The following SYN3 variants were observed in gnomAD, a reference collection of about 807,000 sequenced individuals.
SYN3 encodes synapsin III.
A neutral mutation model predicts 65.8 loss-of-function variants in SYN3; 35 were observed. The observed-to-expected ratio is 0.53, with a 90% CI of 0.41 to 0.70. SYN3 has a LOEUF of 0.70. Among genes scored for constraint, SYN3 ranks in the 30% least tolerant of loss-of-function variants. The probability of loss-of-function intolerance (pLI) is 0.00; values close to 1 mark genes in which losing one functional copy is unlikely to be tolerated. For synonymous variants in SYN3, 270 were observed against 292.9 expected (o/e 0.92, Z 0.80); for missense variants, 680 against 749.0 (o/e 0.91, Z 1.08).
chr22:32,833,803 T>C (rs1167145349), intron 6 of SYN3: 1 of 500,250 alleles, frequency 2.0e-6, no homozygotes, highest in African/African-American at 2.0e-5. Flanking sequence ...TATAGGGCCC[T>C]AGTGAGGCTC....
At chr22:32,853,987 A>C (rs2048294882) in intron 6 of SYN3, among the ~76,000 whole-genome samples, 1 of 152,170 alleles carries the variant, frequency 6.6e-6, no homozygotes, top group Admixed American at 6.5e-5. Context: ...ATTGGTTTGG[A>C]TTAGATTACC....
At chr22:32,626,170 T>C (rs2059663538) in intron 6 of SYN3, among the ~76,000 whole-genome samples, 1 of 152,138 alleles carries the variant, frequency 6.6e-6, no homozygotes, top group Non-Finnish European at 1.5e-5. Context: ...GGGAGGAGAC[T>C]GTGCTGAGGG....
intron 6 of SYN3, among the ~76,000 whole-genome samples, chr22:32,804,033 T>A (rs1036367005): frequency 2.0e-5 from 3 of 152,198 alleles, no homozygotes; most frequent in African/African-American, 7.2e-5. Flanking sequence ...GAAAGTTTCT[T>A]ACAATTTCTC....
rs1569124814 is a variant in SYN3, at chr22:32,650,262, T to TCCCC, written c.712-53527_712-53526insGGGG. Among the ~76,000 whole-genome samples, 176 of 73,360 alleles carry TCCCC rather than the reference T, an allele frequency of 2.4e-3. 4 individuals carry two copies. The highest frequency in any genetic ancestry group is 0.013 in the African/African-American group (162 of 12,042). 48.1% of individuals were successfully genotyped at this position (73,360 alleles called of 152,430 possible). On this transcript the variant is annotated intron_variant, in intron 6 of 13. Coordinates refer to ENST00000358763, the MANE Select transcript of SYN3 (RefSeq NM_003490.4). ...CCCTCCCTCCCTCCCTCCCTCCCTC[T>TCCCC]CTCTCTCTCTCTCTTTCTTTTTGAG... is the stretch of plus-strand genomic sequence containing the variant.
chr22:32,807,363 ATAT>A (rs1470340373), intron 6 of SYN3, among the ~76,000 whole-genome samples: 2 of 89,144 alleles, frequency 2.2e-5, no homozygotes, highest in Non-Finnish European at 2.1e-5. Flanking sequence ...ATAATATATA[ATAT>A]ATATTATATA....
At chr22:32,729,960 G>A (rs983191645) in intron 6 of SYN3, among the ~76,000 whole-genome samples, 21 of 152,254 alleles carry the variant, frequency 1.4e-4, no homozygotes, top group Non-Finnish European at 2.6e-4. Context: ...ATAGGCAGTC[G>A]TTCATAGATA....
chr22:32,718,662 AT>A (rs1196568098), intron 6 of SYN3, among the ~76,000 whole-genome samples: 1 of 152,112 alleles, frequency 6.6e-6, no homozygotes, highest in Non-Finnish European at 1.5e-5. Context: ...AAAAAAAAAA[AT>A]CAACCAGAAA....
intron 6 of SYN3, among the ~76,000 whole-genome samples, chr22:32,818,915 C>T (rs1021349852): frequency 2.6e-5 from 4 of 152,288 alleles, no homozygotes; most frequent in East Asian, 1.9e-4. Flanking sequence ...AGCCAGCCAG[C>T]GGGGTCACTT....
intron 6 of SYN3, among the ~76,000 whole-genome samples, chr22:32,602,736 AG>A (rs2059303229): frequency 6.6e-6 from 1 of 152,222 alleles, no homozygotes; most frequent in Non-Finnish European, 1.5e-5. Flanking sequence ...CTGAGATTAC[AG>A]GCGTCAGCTA....
intron 6 of SYN3, among the ~76,000 whole-genome samples, chr22:32,725,000 A>G (rs2061170246): frequency 6.6e-6 from 1 of 152,186 alleles, no homozygotes; most frequent in Non-Finnish European, 1.5e-5. Flanking sequence ...CACACCTGTA[A>G]TCCCAGCTAC....
intron 6 of SYN3, among the ~76,000 whole-genome samples, chr22:32,619,504 T>C (rs754963557): frequency 6.6e-6 from 1 of 152,024 alleles, no homozygotes; most frequent in Non-Finnish European, 1.5e-5. Context: ...TTCTGGAGGG[T>C]CTAGGACAAA....
chr22:32,756,422 T>TA (rs1218869358), intron 6 of SYN3, among the ~76,000 whole-genome samples: 9 of 152,202 alleles, frequency 5.9e-5, no homozygotes, highest in Admixed American at 5.9e-4. Flanking sequence ...TAAAGTATAA[T>TA]AAAAAATAAT....
intron 6 of SYN3, among the ~76,000 whole-genome samples, chr22:32,622,784 A>G (rs2059613674): frequency 6.7e-6 from 1 of 148,834 alleles, no homozygotes; most frequent in South Asian, 2.2e-4. Flanking sequence ...TTTTGCAGGG[A>G]GAGGCTTCAA....
intron 4 of SYN3, among the ~76,000 whole-genome samples, chr22:32,901,280 T>C (rs973203921): frequency 2.6e-5 from 4 of 152,246 alleles, no homozygotes; most frequent in Non-Finnish European, 5.9e-5. Flanking sequence ...AAATCTTAAT[T>C]GTGCTTCTTA....
chr22:32,772,180 A>AG (rs541077146), intron 6 of SYN3, among the ~76,000 whole-genome samples: 2 of 151,942 alleles, frequency 1.3e-5, no homozygotes, highest in Admixed American at 6.6e-5. Context: ...GCTGGGCCAC[A>AG]GGGGGGGAGA....
At chr22:32,829,546 C>T (rs570914661) in intron 6 of SYN3, among the ~76,000 whole-genome samples, 21 of 152,322 alleles carry the variant, frequency 1.4e-4, no homozygotes, top group Non-Finnish European at 2.8e-4. Context: ...CAGGGCTGCC[C>T]GCCTCCTGTT....
In SYN3 at chr22:32,869,689, G is replaced by GTTTTTTTT. The variant is rs1288480674; in HGVS notation, c.462-565_462-564insAAAAAAAA. ...GATCTCAAATCAACCAACACATCTT[G>GTTTTTTTT]GTTTTTTTTTTTTTTTTTTTTTTCA... On this transcript the variant is annotated intron_variant, in intron 4 of 13. Transcript: ENST00000358763. Among the ~76,000 whole-genome samples the GTTTTTTTT allele has an allele frequency of 5.1e-5, 6 of 118,448 alleles. 2 individuals are homozygous for GTTTTTTTT. Among genetic ancestry groups the GTTTTTTTT allele is most frequent in the Non-Finnish European group, 1.7e-5 (1 of 59,024 alleles). 77.7% of individuals were successfully genotyped at this position (118,448 alleles called of 152,430 possible).
At chr22:32,561,709 G>A (rs538181627) in intron 7 of SYN3, among the ~76,000 whole-genome samples, 26 of 152,308 alleles carry the variant, frequency 1.7e-4, no homozygotes, top group Admixed American at 4.6e-4. Flanking sequence ...GGCAAGTGTG[G>A]ACCAGTCCAT....
chr22:33,005,930 T>C (rs561672771), intron 2 of SYN3, among the ~76,000 whole-genome samples: 21 of 152,334 alleles, frequency 1.4e-4, no homozygotes, highest in African/African-American at 4.8e-4. Context: ...ATATTTTATA[T>C]AACACTTCCA....
Sources: gnomAD v4.1 joint callset for allele counts (sites outside exome capture counted in the v4.1 genomes callset) on GRCh38, gnomAD v4.1.1 for gene constraint, MANE v1.5 for transcripts, NCBI Gene and HGNC (gene_info 2026-07-23, HGNC 2026-07-21) for gene names.